The following PTPRN2 variants were observed in gnomAD, a reference collection of about 807,000 sequenced individuals.
PTPRN2 encodes the protein protein tyrosine phosphatase receptor type N2.
A neutral mutation model predicts 118.8 loss-of-function variants in PTPRN2; 74 were observed. The observed-to-expected ratio is 0.62, with a 90% confidence interval of 0.52 to 0.76. PTPRN2 has a LOEUF of 0.76. Among genes scored for constraint, PTPRN2 ranks in the 30% least tolerant of loss-of-function variants. The probability of loss-of-function intolerance (pLI) is 0.00; values close to 1 mark genes in which losing one functional copy is unlikely to be tolerated. For missense variants in PTPRN2, 1,481 were observed against 1,394.4 expected (o/e 1.06, Z -0.99); for synonymous variants, 641 against 608.0 (o/e 1.05, Z -0.80).
chr7:158,162,818 C>A (rs7785034), intron 6 of PTPRN2, among the ~76,000 whole-genome samples: 17 of 152,146 alleles, frequency 1.1e-4, no homozygotes, highest in Middle Eastern at 3.4e-3. Flanking sequence ...AGCCCGCAGC[C>A]TCGTTGACTG....
At chr7:158,150,842 AC>A (rs1820942885) in intron 6 of PTPRN2, among the ~76,000 whole-genome samples, 1 of 151,162 alleles carries the variant, frequency 6.6e-6, no homozygotes. Context: ...CACCCCAGCC[AC>A]TCTGGCCTCC....
intron 11 of PTPRN2, among the ~76,000 whole-genome samples, chr7:157,924,923 A>G (rs369345719): frequency 9.9e-5 from 9 of 90,494 alleles, no homozygotes; most frequent in Non-Finnish European, 1.4e-4. Context: ...TGCATTTAGC[A>G]CGTCAGGCAA....
intron 3 of PTPRN2, among the ~76,000 whole-genome samples, chr7:158,267,893 T>C (rs536086787): frequency 6.6e-6 from 1 of 152,168 alleles, no homozygotes; most frequent in Admixed American, 6.5e-5. Flanking sequence ...TCCTACCTCC[T>C]TCACCTCACC....
chr7:158,355,174 A>T (rs1808292855), intron 2 of PTPRN2, among the ~76,000 whole-genome samples: 2 of 152,338 alleles, frequency 1.3e-5, no homozygotes, highest in South Asian at 4.1e-4. Flanking sequence ...TGCTGAAGAG[A>T]TCTCTTCATT....
At chr7:158,538,167 C>T (rs901675429) in intron 1 of PTPRN2, among the ~76,000 whole-genome samples, 6 of 152,204 alleles carry the variant, frequency 3.9e-5, no homozygotes, top group Non-Finnish European at 5.9e-5. Flanking sequence ...GAATCAGTGC[C>T]CCTTTTTAGG....
chr7:158,060,937 C>A (rs1810280912), intron 11 of PTPRN2, among the ~76,000 whole-genome samples: 1 of 152,236 alleles, frequency 6.6e-6, no homozygotes, highest in Non-Finnish European at 1.5e-5. Flanking sequence ...CAAGGCTGAG[C>A]TTTCAGCGCA....
intron 11 of PTPRN2, among the ~76,000 whole-genome samples, chr7:158,051,280 C>A (rs911814313): frequency 6.6e-6 from 1 of 152,244 alleles, no homozygotes; most frequent in Non-Finnish European, 1.5e-5. Context: ...AGAGAGGAAA[C>A]TGCCTGATCT....
chr7:158,433,815 G>A (rs544561069), intron 2 of PTPRN2, among the ~76,000 whole-genome samples: 1 of 151,752 alleles, frequency 6.6e-6, no homozygotes, highest in Non-Finnish European at 1.5e-5. Context: ...AAGCATCTAA[G>A]GTTATAATTT....
intron 4 of PTPRN2, among the ~76,000 whole-genome samples, chr7:158,199,860 A>C (rs1826496239): frequency 6.6e-6 from 1 of 152,206 alleles, no homozygotes; most frequent in Non-Finnish European, 1.5e-5. Context: ...GGGAGTGAGG[A>C]TGCTGAAAGC....
intron 6 of PTPRN2, among the ~76,000 whole-genome samples, chr7:158,160,392 C>T (rs1198870310): frequency 6.6e-6 from 1 of 152,098 alleles, no homozygotes; most frequent in Non-Finnish European, 1.5e-5. Flanking sequence ...CTTCTGCTGC[C>T]CTGGACATCA....
chr7:157,863,887 G>C (rs999756883), intron 12 of PTPRN2: 1 of 152,178 alleles, frequency 6.6e-6, no homozygotes. Context: ...CCCACGCCTC[G>C]ACCTCGGACT....
Position 157,957,427 on chromosome 7 carries a change from C to T in PTPRN2, c.1724-58690G>A, listed in dbSNP as rs117952304. 6.3e-3 allele frequency among the ~76,000 whole-genome samples: 951 copies of T among 152,142 alleles called. 9 individuals carry two copies. Among genetic ancestry groups the T allele is most frequent in the Middle Eastern group, 0.034 (10 of 294 alleles). On this transcript the variant is annotated intron_variant, in intron 11 of 22. Coordinates refer to ENST00000389418, the MANE Select transcript of PTPRN2 (RefSeq NM_002847.5). ...GAAGCATATCCATGGAATCAAAATG[C>T]GATCAGAGCATTATGGCCAAATAAT... is the stretch of plus-strand genomic sequence containing the variant.
At chr7:158,564,611 C>T (rs1453117197) in intron 1 of PTPRN2, among the ~76,000 whole-genome samples, 1 of 152,254 alleles carries the variant, frequency 6.6e-6, no homozygotes, top group African/African-American at 2.4e-5. Flanking sequence ...CCCCAAGCCC[C>T]CTGCCCACCC....
intron 11 of PTPRN2, among the ~76,000 whole-genome samples, chr7:158,031,845 G>C (rs1018452123): frequency 6.6e-6 from 1 of 152,266 alleles, no homozygotes; most frequent in Non-Finnish European, 1.5e-5. Context: ...GCTGTTTACA[G>C]CAGCCTCAGG....
chr7:157,628,966 T>C (rs145535132), intron 14 of PTPRN2, among the ~76,000 whole-genome samples: 4 of 152,308 alleles, frequency 2.6e-5, no homozygotes, highest in East Asian at 1.9e-4. Context: ...TAAGAGACTA[T>C]GTGACACTAA....
intron 9 of PTPRN2, among the ~76,000 whole-genome samples, chr7:158,123,954 G>A (rs187179056): frequency 4.7e-5 from 7 of 148,240 alleles, no homozygotes; most frequent in East Asian, 2.1e-4. Context: ...CGACCCAGGC[G>A]GAGCTGGTTC....
At chr7:158,297,119 T>C (rs559594130) in intron 3 of PTPRN2, among the ~76,000 whole-genome samples, 1 of 152,194 alleles carries the variant, frequency 6.6e-6, no homozygotes, top group Non-Finnish European at 1.5e-5. Context: ...GCTCTCAGGA[T>C]CCAGTCCCGG....
intron 1 of PTPRN2, among the ~76,000 whole-genome samples, chr7:158,566,090 C>G (rs1827650459): frequency 6.6e-6 from 1 of 152,098 alleles, no homozygotes; most frequent in African/African-American, 2.4e-5. Flanking sequence ...CAGTGGCTAA[C>G]ACCTATAATC....
intron 12 of PTPRN2, among the ~76,000 whole-genome samples, chr7:157,886,870 C>T (rs775601890): frequency 2.2e-4 from 6 of 27,502 alleles, no homozygotes; most frequent in Non-Finnish European, 3.1e-4. Context: ...AAGCCCACCA[C>T]GGTGGGGCTG....
Sources: allele counts gnomAD v4.1 joint callset (sites outside exome capture counted in the v4.1 genomes callset), GRCh38; gene constraint gnomAD v4.1.1; transcripts MANE v1.5; gene names NCBI Gene and HGNC (gene_info 2026-07-23, HGNC 2026-07-21).